TENM3: variants seen among roughly 807,000 people sequenced by gnomAD.
TENM3 encodes the protein teneurin-3.
TENM3 carries 63 observed loss-of-function variants against 255.1 expected under a neutral mutation model. That is an observed-to-expected ratio of 0.25 (90% CI 0.20 to 0.30). TENM3 has a LOEUF of 0.30. Ranked by LOEUF, TENM3 falls within the 10% of genes least tolerant of loss-of-function variation. TENM3 has a pLI of 1.00. For missense variants in TENM3, 2,929 were observed against 3,461.1 expected (o/e 0.85, Z 3.86); for synonymous variants, 1,306 against 1,322.3 (o/e 0.99, Z 0.27).
chr4:182,663,735 G>C (rs1032155264), intron 6 of TENM3, among the ~76,000 whole-genome samples: 4 of 152,096 alleles, frequency 2.6e-5, no homozygotes, highest in Non-Finnish European at 5.9e-5. Flanking sequence ...TGACATTCTT[G>C]TTAGTCATAT....
the TENM3 span, among the ~76,000 whole-genome samples, chr4:181,593,715 G>C: frequency 6.6e-6 from 1 of 152,146 alleles, no homozygotes; most frequent in African/African-American, 2.4e-5. Flanking sequence ...AGATGGGAAG[G>C]AGACCATAAG....
chr4:182,368,237 G>A (rs1337452450), intron 3 of TENM3, among the ~76,000 whole-genome samples: 2 of 152,162 alleles, frequency 1.3e-5, no homozygotes, highest in East Asian at 1.9e-4. Flanking sequence ...CTGAGAACAC[G>A]AGCATCAGAG....
intron 3 of TENM3, among the ~76,000 whole-genome samples, chr4:182,475,913 A>G (rs1360644776): frequency 6.6e-6 from 1 of 152,218 alleles, no homozygotes; most frequent in Non-Finnish European, 1.5e-5. Flanking sequence ...AGGTACTATC[A>G]TATTCAAAAT....
At chr4:182,773,339 C>A in intron 22 of TENM3, 133 bp from the exon 23 acceptor site, 1 of 773,126 alleles carries the variant, frequency 1.3e-6, no homozygotes, top group Non-Finnish European at 2.0e-6. Flanking sequence ...GAAGTCTTCA[C>A]TCTGCATCGC....
At chr4:181,826,477 C>A in the TENM3 span, among the ~76,000 whole-genome samples, 1 of 152,130 alleles carries the variant, frequency 6.6e-6, no homozygotes, top group Non-Finnish European at 1.5e-5. Flanking sequence ...CAGATCCAGG[C>A]GTGAAAGCAT....
chr4:181,916,283 G>A, the TENM3 span, among the ~76,000 whole-genome samples: 10 of 152,178 alleles, frequency 6.6e-5, no homozygotes, highest in Non-Finnish European at 1.0e-4. Context: ...TTCTAACATC[G>A]AATTAGAATT....
chr4:182,088,289 A>G, the TENM3 span, among the ~76,000 whole-genome samples: 1 of 152,336 alleles, frequency 6.6e-6, no homozygotes, highest in East Asian at 1.9e-4. Flanking sequence ...GGTTAAAACT[A>G]TACCATATAG....
chr4:182,435,087 G>A (rs888232081), intron 3 of TENM3, among the ~76,000 whole-genome samples: 2 of 152,132 alleles, frequency 1.3e-5, no homozygotes, highest in Non-Finnish European at 2.9e-5. Flanking sequence ...CAAACACATC[G>A]AGAATGCTAG....
At chr4:181,545,697 C>T in the TENM3 span, among the ~76,000 whole-genome samples, 1 of 151,940 alleles carries the variant, frequency 6.6e-6, no homozygotes, top group African/African-American at 2.4e-5. Flanking sequence ...CTGCATATAC[C>T]AAATATGTTT....
At chr4:181,736,484 T>G in the TENM3 span, among the ~76,000 whole-genome samples, 3 of 151,916 alleles carry the variant, frequency 2.0e-5, no homozygotes. Context: ...CCCACGAGTA[T>G]AGAAAACATG....
intron 3 of TENM3, among the ~76,000 whole-genome samples, chr4:182,566,070 A>T (rs895867139): frequency 6.6e-6 from 1 of 152,120 alleles, no homozygotes; most frequent in Non-Finnish European, 1.5e-5. Flanking sequence ...TCTTTCTCTG[A>T]TTCCATCAGG....
chr4:182,100,412 G>A, the TENM3 span, among the ~76,000 whole-genome samples: 1,277 of 136,256 alleles, frequency 9.4e-3, 8 homozygotes, highest in Middle Eastern at 0.016. Context: ...GACCAGCCTC[G>A]GTAACATGGC....
chr4:182,176,573 AATT>A (rs1178497795), intron 1 of TENM3, among the ~76,000 whole-genome samples: 1 of 152,194 alleles, frequency 6.6e-6, no homozygotes, highest in Non-Finnish European at 1.5e-5. Context: ...ATAAACTCGT[AATT>A]ATTTGTTAAA....
the TENM3 span, among the ~76,000 whole-genome samples, chr4:181,530,131 G>C: frequency 0.068 from 10,428 of 152,238 alleles, 482 homozygotes; most frequent in Non-Finnish European, 0.11. Flanking sequence ...AACATTTTAA[G>C]TGTCAGAGAA....
At chr4:182,320,048 G>A (rs1023780528) in intron 1 of TENM3, among the ~76,000 whole-genome samples, 1 of 152,054 alleles carries the variant, frequency 6.6e-6, no homozygotes, top group Non-Finnish European at 1.5e-5. Context: ...GGGAGGCAGA[G>A]GTTGCAGTGA....
chr4:181,780,039 A>T, the TENM3 span, among the ~76,000 whole-genome samples: 11 of 152,124 alleles, frequency 7.2e-5, no homozygotes, highest in African/African-American at 2.2e-4. Flanking sequence ...TCTATCATTG[A>T]TGGACATTTG....
At chr4:181,735,745 G>C in the TENM3 span, among the ~76,000 whole-genome samples, 1 of 152,016 alleles carries the variant, frequency 6.6e-6, no homozygotes, top group Non-Finnish European at 1.5e-5. Context: ...ACTAGAGCAA[G>C]ACTTGATTTG....
the TENM3 span, among the ~76,000 whole-genome samples, chr4:181,950,060 A>C: frequency 6.6e-6 from 1 of 152,252 alleles, no homozygotes; most frequent in East Asian, 1.9e-4. Context: ...GAAGAATCAC[A>C]AAAGAAGTTA....
chr4:181,780,036 T>C, the TENM3 span, among the ~76,000 whole-genome samples: 3 of 152,222 alleles, frequency 2.0e-5, no homozygotes, highest in Admixed American at 6.5e-5. Context: ...CAGTCTATCA[T>C]TGATGGACAT....
Sources: gnomAD v4.1 joint callset for allele counts (sites outside exome capture counted in the v4.1 genomes callset) on GRCh38, gnomAD v4.1.1 for gene constraint, MANE v1.5 for transcripts, NCBI Gene and HGNC (gene_info 2026-07-23, HGNC 2026-07-21) for gene names.